DNMT1: variants seen among roughly 807,000 people sequenced by gnomAD.
DNMT1 encodes the protein DNA (cytosine-5)-methyltransferase 1.
Under a neutral mutation model 205.3 loss-of-function variants are expected in DNMT1, and 24 were observed. That is an observed-to-expected ratio of 0.12 (90% CI 0.08 to 0.16). The LOEUF (loss-of-function observed/expected upper bound fraction) is 0.16, where lower values mean the gene tolerates loss of function less well. Ranked by LOEUF, DNMT1 falls within the 10% of genes least tolerant of loss-of-function variation. The pLI, the probability that DNMT1 is intolerant of heterozygous loss-of-function variation, is 1.00. For missense variants in DNMT1, 1,293 were observed against 2,177.7 expected (o/e 0.59, Z 8.09); for synonymous variants, 817 against 839.8 (o/e 0.97, Z 0.47).
chr19:10,148,415 G>A (rs1456609400), intron 27 of DNMT1, among the ~76,000 whole-genome samples: 1 of 148,512 alleles, frequency 6.7e-6, no homozygotes, highest in Admixed American at 6.8e-5. Context: ...AGAATGGCAT[G>A]AACCCAGGAA....
chr19:10,166,462 A>T, intron 11 of DNMT1, 136 bp downstream of exon 11: 1 of 1,043,750 alleles, frequency 9.6e-7, no homozygotes, highest in Non-Finnish European at 1.5e-6. Context: ...TGACCTTCCC[A>T]GAGTCTGGAT....
At chr19:10,170,263 C>T (rs1178057280) in intron 9 of DNMT1, among the ~76,000 whole-genome samples, 1 of 151,458 alleles carries the variant, frequency 6.6e-6, no homozygotes, top group African/African-American at 2.4e-5. Context: ...CCAGCCTGAG[C>T]GAAAGAGCAA....
intron 1 of DNMT1, among the ~76,000 whole-genome samples, chr19:10,183,073 ATG>A (rs202197460): frequency 1.4e-5 from 2 of 147,276 alleles, no homozygotes; most frequent in South Asian, 2.1e-4. Flanking sequence ...ATGTATACAT[ATG>A]TGTGTGTATA....
At chr19:10,172,758 C>T (rs2038848563) in intron 9 of DNMT1, among the ~76,000 whole-genome samples, 1 of 151,750 alleles carries the variant, frequency 6.6e-6, no homozygotes, top group Non-Finnish European at 1.5e-5. Context: ...GAGGTTGCAA[C>T]GAGCCGAGAT....
rs2089595576 is a variant in DNMT1, at chr19:10,141,276, CACTT to C, written c.3310-91_3310-88del. ...ACTAGTAAGAAGGCAATTTGATAGT[CACTT>C]AATTTCTCCCTCAGTGGGGCCATGA... On this transcript the variant is annotated intron_variant, in intron 30 of 40. Transcript: ENST00000359526. 4.4e-6 allele frequency: 6 copies of C among 1,376,512 alleles called. No homozygotes were observed. In the Admixed American group the frequency reaches 1.0e-4, roughly 23 times the overall value. 85.3% of individuals were successfully genotyped at this position (1,376,512 alleles called of 1,614,324 possible).
At chr19:10,165,113 A>T (rs892807604) in intron 11 of DNMT1, among the ~76,000 whole-genome samples, 4 of 151,658 alleles carry the variant, frequency 2.6e-5, no homozygotes, top group Non-Finnish European at 4.4e-5. Context: ...AAAAAATTAA[A>T]AAAAAAAATT....
chr19:10,147,566 G>A (rs534610211), intron 27 of DNMT1, among the ~76,000 whole-genome samples: 68 of 150,082 alleles, frequency 4.5e-4, no homozygotes, highest in Non-Finnish European at 8.2e-4. Flanking sequence ...AGCCGAGATC[G>A]TGCCACTGCA....
intron 1 of DNMT1, among the ~76,000 whole-genome samples, chr19:10,185,843 GAAAAAAAAAAA>G (rs57377594): frequency 1.4e-5 from 1 of 70,726 alleles, no homozygotes. Context: ...TGTCTCAAAA[GAAAAAAAAAAA>G]AAAAAAAAGA....
At chr19:10,148,389 A>G (rs1016009311) in intron 27 of DNMT1, among the ~76,000 whole-genome samples, 3 of 150,586 alleles carry the variant, frequency 2.0e-5, no homozygotes, top group Non-Finnish European at 4.4e-5. Flanking sequence ...CCAGCAACTC[A>G]GGAGGCTGAG....
chr19:10,155,606 G>C (rs916440194), intron 19 of DNMT1, among the ~76,000 whole-genome samples: 4 of 152,136 alleles, frequency 2.6e-5, no homozygotes, highest in African/African-American at 9.7e-5. Flanking sequence ...GCCTCCCAAA[G>C]TGCTGGGATT....
intron 7 of DNMT1, 44 bp from the exon 8 acceptor site, chr19:10,173,949 T>C (rs1164834871): frequency 6.3e-7 from 1 of 1,596,108 alleles, no homozygotes; most frequent in Non-Finnish European, 8.6e-7. Context: ...GAATACTGGT[T>C]TCAAGGGAAG....
intron 1 of DNMT1, among the ~76,000 whole-genome samples, chr19:10,192,298 T>G (rs899389492): frequency 6.6e-6 from 1 of 151,494 alleles, no homozygotes; most frequent in African/African-American, 2.4e-5. Flanking sequence ...AAAAAAAAAC[T>G]GAAAAAAACA....
intron 28 of DNMT1, among the ~76,000 whole-genome samples, chr19:10,145,235 G>A (rs2038173490): frequency 1.3e-5 from 2 of 152,182 alleles, no homozygotes; most frequent in South Asian, 2.1e-4. Context: ...GGAGTCTGAC[G>A]GGCCCCAAAG....
At chr19:10,165,411 G>A (rs556854228) in intron 11 of DNMT1, among the ~76,000 whole-genome samples, 2 of 152,172 alleles carry the variant, frequency 1.3e-5, no homozygotes, top group East Asian at 1.9e-4. Context: ...TTATTTTTTT[G>A]AGACAGAGTC....
At position 10,151,902 on chromosome 19, in the gene DNMT1, G is replaced by A; in HGVS notation, c.2020-55C>T. 3.9e-6 allele frequency: 6 copies of A among 1,538,152 alleles called. No homozygotes were observed. The highest frequency in any genetic ancestry group is 1.7e-4 in the Middle Eastern group (1 of 5,906). ...GGGCTGGGCACAGTGGTTCATGCCT[G>A]TAATCCCAGTATTTCAGAAGGCCGA... On this transcript the variant is annotated intron_variant, in intron 22 of 40. Coordinates refer to ENST00000359526, the MANE Select transcript of DNMT1 (RefSeq NM_001130823.3). The surrounding 1 kb of genome is among the most constrained non-coding windows in gnomAD (Gnocchi z 5.0).
intron 12 of DNMT1, 39 bp from the exon 13 acceptor site, chr19:10,162,787 A>C (rs764750548): frequency 1.3e-5 from 21 of 1,606,862 alleles, no homozygotes; most frequent in Non-Finnish European, 1.6e-5. Context: ...AGCAGCTTAG[A>C]AACACTAACC....
intron 8 of DNMT1, 79 bp from the exon 9 acceptor site, chr19:10,173,253 TTTCCCC>T (rs2038862307): frequency 1.4e-6 from 2 of 1,426,732 alleles, no homozygotes; most frequent in Non-Finnish European, 2.0e-6. Flanking sequence ...AAAGCTCCTC[TTTCCCC>T]CAAAAGCAAT....
intron 5 of DNMT1, among the ~76,000 whole-genome samples, chr19:10,179,344 T>A (rs1476489258): frequency 6.6e-6 from 1 of 151,734 alleles, no homozygotes; most frequent in Non-Finnish European, 1.5e-5. Flanking sequence ...TGAGACAGTG[T>A]CTTACTCTTG....
At chr19:10,167,460 G>C (rs2038721477) in intron 10 of DNMT1, among the ~76,000 whole-genome samples, 1 of 152,144 alleles carries the variant, frequency 6.6e-6, no homozygotes, top group Admixed American at 6.6e-5. Flanking sequence ...GCCTCTCAAA[G>C]TGCTGAGATT....
Sources: gnomAD v4.1 joint callset for allele counts (sites outside exome capture counted in the v4.1 genomes callset) on GRCh38, gnomAD v4.1.1 for gene constraint, Gnocchi (gnomAD v3.1) non-coding constraint, MANE v1.5 for transcripts, NCBI Gene and HGNC (gene_info 2026-07-23, HGNC 2026-07-21) for gene names.